The following RPTN variants were observed in gnomAD, a reference collection of about 807,000 sequenced individuals.
RPTN encodes repetin, also known as intermediate filament-associated protein.
In RPTN, 4 loss-of-function variants were observed where a neutral mutation model predicts 3.6. The observed-to-expected ratio is 1.12, with a 90% CI of 0.55 to 2.55. RPTN has a LOEUF of 2.55. Ranked by LOEUF, RPTN falls within the 30% of genes most tolerant of loss-of-function variation. The pLI, the probability that RPTN is intolerant of heterozygous loss-of-function variation, is 0.02. For synonymous variants in RPTN, 293 were observed against 319.3 expected (o/e 0.92, Z 0.88); for missense variants, 860 against 916.7 (o/e 0.94, Z 0.80).
Position 152,157,784 on chromosome 1 carries a change from G to C in RPTN, c.106C>G (p.Leu36Val), listed in dbSNP as rs1222830385. 1 of 1,614,020 alleles carries C rather than the reference G, an allele frequency of 6.2e-7. No homozygotes were observed. Among genetic ancestry groups the C allele is most frequent in the South Asian group, 1.1e-5 (1 of 91,070 alleles). ...ATGTCTCCAAACTCAGCCAAGAGCA[G>C]TTGTTTCAACTCTTCCTTGCATAGT... ...ALLCKEELKQ[L>V]LLAEFGDILQ... Residue 36 changes from leucine (L) to valine (V), a missense_variant, in exon 2 of 3, where the codon CTG becomes GTG. Leu to Val is a conservative substitution (Grantham distance 32). Transcript: ENST00000316073.
intron 1 of RPTN, 150 bp from the exon 2 acceptor site, chr1:152,158,059 C>A: frequency 1.6e-6 from 1 of 617,302 alleles, no homozygotes; most frequent in Non-Finnish European, 2.8e-6. Flanking sequence ...CCCTGACTCA[C>A]AGTCGGGGAC....
Position 152,157,894 on chromosome 1 carries a change from A to G in RPTN, c.-5T>C, listed in dbSNP as rs982248137. ...GCTATTCAGGAGTTGAGCCATTTTG[A>G]CAAGTACGGGTGAACCTAAAAGAAG... is the stretch of plus-strand genomic sequence containing the variant. On this transcript the variant is annotated 5_prime_UTR_variant, in exon 2 of 3. Transcript: ENST00000316073. 1.2e-6 allele frequency: 2 copies of G among 1,613,664 alleles called. No individual in the cohort carries two copies. Among genetic ancestry groups the G allele is most frequent in the Non-Finnish European group, 8.5e-7 (1 of 1,179,712 alleles).
chr1:152,154,654 C>CTGAGATCCT lies in RPTN; in HGVS notation c.*81_*89dup, dbSNP rs1374043635. On this transcript the variant is annotated 3_prime_UTR_variant, in exon 3 of 3. Transcript: ENST00000316073. ...TGTGGGTCACTTGGGATTTTTGATTCTGAGATCCTTGATACCTCTCTTTCT... is the reference window on the plus strand; with the variant it reads ...TGTGGGTCACTTGGGATTTTTGATTCTGAGATCCTTGAGATCCTTGATACCTCTCTTTCT... 23 of 1,520,726 alleles carry CTGAGATCCT rather than the reference C, an allele frequency of 1.5e-5. No homozygotes were observed. Among genetic ancestry groups the CTGAGATCCT allele is most frequent in the Non-Finnish European group, 1.9e-5 (21 of 1,128,482 alleles). 94.2% of individuals were successfully genotyped at this position (1,520,726 alleles called of 1,614,324 possible).
Position 152,153,847 on chromosome 1 carries a change from C to T in RPTN, c.*897G>A, listed in dbSNP as rs1043618688. ...AGTCCCTCTGGTGTGGAATAAGAGC[C>T]TGGCATGGGAGATGTAGTAAACATC... is the stretch of plus-strand genomic sequence containing the variant. On this transcript the variant is annotated 3_prime_UTR_variant, in exon 3 of 3. Coordinates refer to ENST00000316073, the MANE Select transcript of RPTN (RefSeq NM_001122965.1). 6.6e-6 allele frequency: 1 copy of T among 152,340 alleles called. No individual in the cohort carries two copies. 9.4% of individuals were successfully genotyped at this position (152,340 alleles called of 1,614,324 possible). A position where few individuals can be genotyped will look rare whatever the true frequency, so the allele number is the denominator to read the frequency against.
In RPTN at chr1:152,154,680, C is replaced by T. The variant is rs917409609; in HGVS notation, c.*64G>A. 1.1e-5 allele frequency: 17 copies of T among 1,573,978 alleles called. No individual in the cohort carries two copies. Among genetic ancestry groups the T allele is most frequent in the Middle Eastern group, 1.7e-4 (1 of 5,878 alleles). On this transcript the variant is annotated 3_prime_UTR_variant, in exon 3 of 3. Coordinates refer to ENST00000316073, the MANE Select transcript of RPTN (RefSeq NM_001122965.1). The stretch of plus-strand genomic sequence containing the variant: ...TGAGATCCTTGATACCTCTCTTTCT[C>T]CTCATAGTTTTGTCTATTATGTTGT...
At chr1:152,157,686 A>G (rs1659235038) in intron 2 of RPTN, 66 bp downstream of exon 2, 2 of 1,581,328 alleles carry the variant, frequency 1.3e-6, no homozygotes, top group Non-Finnish European at 1.7e-6. Context: ...AAAGCATCCA[A>G]CCCTGGTGCA....
At position 152,156,792 on chromosome 1, in the gene RPTN, T is replaced by G; in HGVS notation, c.307A>C (p.Arg103=). 1.2e-6 allele frequency: 2 copies of G among 1,614,190 alleles called. No homozygotes were observed. The highest frequency in any genetic ancestry group is 1.7e-6 in the Non-Finnish European group (2 of 1,180,020). Residue 103 remains arginine, a synonymous_variant, in exon 3 of 3, where the codon AGG becomes CGG. Transcript: ENST00000316073. ...SHGGRTSQQE[R]GQEGAQDCKF... The stretch of plus-strand genomic sequence containing the variant: ...CAGTCTTGTGCTCCTTCCTGCCCCC[T>G]TTCTTGCTGTGAGGTCCTGCCTCCA...
Position 152,155,700 on chromosome 1 carries a change from C to G in RPTN, c.1399G>C (p.Asp467His). The G allele has an allele frequency of 3.1e-6, 5 of 1,611,962 alleles. No individual in the cohort carries two copies. The highest frequency in any genetic ancestry group is 4.2e-6 in the Non-Finnish European group (5 of 1,179,166). ...QGQSSHYGQT[D>H]RQGQSSHYSQ... ...TAGTGGGAACTCTGGCCTTGTCTGT[C>G]TGTCTGACCATAGTGGGAACTCTGG... The change falls in exon 3 of 3, where the codon GAC becomes CAC. Residue 467 changes from aspartate (D) to histidine (H), a missense_variant. Physicochemically the swap from Asp to His is moderately conservative, Grantham distance 81. Transcript: ENST00000316073.
Position 152,154,161 on chromosome 1 carries a change from C to T in RPTN, c.*583G>A, listed in dbSNP as rs757752625. 2 of 155,726 alleles carry T rather than the reference C, an allele frequency of 1.3e-5. No individual in the cohort carries two copies. Among genetic ancestry groups the T allele is most frequent in the Non-Finnish European group, 2.9e-5 (2 of 70,174 alleles). 9.6% of individuals were successfully genotyped at this position (155,726 alleles called of 1,614,324 possible). ...GCAGGAAATGATTTAAATACCCAAA[C>T]TGATCAACATTAAGATATGATTATT... On this transcript the variant is annotated 3_prime_UTR_variant, in exon 3 of 3. Transcript: ENST00000316073.
At position 152,155,842 on chromosome 1, in the gene RPTN, G is replaced by T. The variant is rs1279810885; in HGVS notation, c.1257C>A (p.Asp419Glu). Residue 419 changes from aspartate (D) to glutamate (E), a missense_variant, in exon 3 of 3, where the codon GAC becomes GAA. Coordinates refer to ENST00000316073, the MANE Select transcript of RPTN (RefSeq NM_001122965.1). Reference protein sequence around the residue: ...QGQSSHYSQMDRQGQGSHYGQ... With the variant: ...QGQSSHYSQMERQGQGSHYGQ... Reference sequence around the variant, plus strand: ...CGTAGTGAGAACCCTGGCCTTGTCGGTCCATCTGACTGTAGTGGGAACTCT... The same window carrying T: ...CGTAGTGAGAACCCTGGCCTTGTCGTTCCATCTGACTGTAGTGGGAACTCT... 3.1e-6 allele frequency: 5 copies of T among 1,609,392 alleles called. No homozygotes were observed. The highest frequency in any genetic ancestry group is 1.7e-5 in the Admixed American group (1 of 59,134).
At position 152,154,091 on chromosome 1, in the gene RPTN, T is replaced by C. The variant is rs959223631; in HGVS notation, c.*653A>G. ...TTCTGAACTTTAGGGAGAAGTGTTC[T>C]ACCTTTCAATGATTCAACCAGGTCT... is the stretch of plus-strand genomic sequence containing the variant. On this transcript the variant is annotated 3_prime_UTR_variant, in exon 3 of 3. Coordinates refer to ENST00000316073, the MANE Select transcript of RPTN (RefSeq NM_001122965.1). 6 of 152,492 alleles carry C rather than the reference T, an allele frequency of 3.9e-5. No individual in the cohort carries two copies. Among genetic ancestry groups the C allele is most frequent in the Non-Finnish European group, 8.8e-5 (6 of 68,270 alleles). 9.4% of individuals were successfully genotyped at this position (152,492 alleles called of 1,614,324 possible).
chr1:152,156,888 A>G lies in RPTN; in HGVS notation c.211T>C (p.Phe71Leu). The G allele has an allele frequency of 9.3e-6, 15 of 1,614,184 alleles. No individual in the cohort carries two copies. The highest frequency in any genetic ancestry group is 1.3e-5 in the Non-Finnish European group (15 of 1,180,034). ...LDQDRDGHID[F>L]HEYLLLVFQL... ...AACACCAACAAGAGGTACTCATGAA[A>G]ATCAATATGTCCATCTCGGTCTTGA... Residue 71 changes from phenylalanine (F) to leucine (L), a missense_variant, in exon 3 of 3, where the codon TTT becomes CTT. Coordinates refer to ENST00000316073, the MANE Select transcript of RPTN (RefSeq NM_001122965.1).
At position 152,155,624 on chromosome 1, in the gene RPTN, C is replaced by T; in HGVS notation, c.1475G>A (p.Arg492Lys). 6.3e-7 allele frequency: 1 copy of T among 1,596,728 alleles called. No individual in the cohort carries two copies. The highest frequency in any genetic ancestry group is 1.1e-5 in the South Asian group (1 of 89,882). ...GQSSHYGKID[R>K]QDQSYHYGQP... is the part of the protein sequence containing the mutation. ...ACCATAATGATAACTCTGGTCTTGT[C>T]TGTCTATCTTACCATAGTGGGAACT... is the stretch of plus-strand genomic sequence containing the variant. The change falls in exon 3 of 3, where the codon AGA becomes AAA. Residue 492 changes from arginine to lysine, a missense_variant. Coordinates refer to ENST00000316073, the MANE Select transcript of RPTN (RefSeq NM_001122965.1).
chr1:152,155,663 T>A lies in RPTN; in HGVS notation c.1436A>T (p.Asp479Val). 6.2e-7 allele frequency: 1 copy of A among 1,603,362 alleles called. No individual in the cohort carries two copies. Among genetic ancestry groups the A allele is most frequent in the East Asian group, 2.2e-5 (1 of 44,866 alleles). ...ATAGTGGGAACTCTGGCCTTGTTTG[T>A]CTGGCTGACTGTAGTGGGAACTCTG... Reference protein sequence around the residue: ...QGQSSHYSQPDKQGQSSHYGK... With the variant: ...QGQSSHYSQPVKQGQSSHYGK... Residue 479 changes from aspartate to valine, a missense_variant, in exon 3 of 3, where the codon GAC (aspartate) becomes GTC (valine). Physicochemically the swap from Asp to Val is radical, Grantham distance 152. Coordinates refer to ENST00000316073, the MANE Select transcript of RPTN (RefSeq NM_001122965.1).
At chr1:152,157,597 G>GTA (rs1290994991) in intron 2 of RPTN, among the ~76,000 whole-genome samples, 155 bp downstream of exon 2, 23 of 150,200 alleles carry the variant, frequency 1.5e-4, no homozygotes, top group Non-Finnish European at 3.1e-4. Flanking sequence ...GTGTGTGTGT[G>GTA]TGTGTATGCT....
Position 152,156,319 on chromosome 1 carries a change from G to A in RPTN, c.780C>T (p.Asn260=), listed in dbSNP as rs1659204780. ...SETLGQASHF[N]QTNQQKSGSY... ...AGCCTGATTTCTGTTGATTTGTCTG[G>A]TTAAAGTGAGAGGCTTGTCCAAGTG... The change falls in exon 3 of 3, where the codon AAC becomes AAT. Residue 260 remains asparagine (N), a synonymous_variant. Coordinates refer to ENST00000316073, the MANE Select transcript of RPTN (RefSeq NM_001122965.1). The A allele has an allele frequency of 3.7e-6, 6 of 1,614,276 alleles. No individual in the cohort carries two copies. The highest frequency in any genetic ancestry group is 5.1e-6 in the Non-Finnish European group (6 of 1,180,044).
Position 152,156,201 on chromosome 1 carries a change from T to C in RPTN, c.898A>G (p.Arg300Gly), listed in dbSNP as rs376365077. ...CCATAATGATAACTCTGGTCTTGTCTGTCCGTCTGACCGTAGTGGGAACTC... is the reference window on the plus strand; with the variant it reads ...CCATAATGATAACTCTGGTCTTGTCCGTCCGTCTGACCGTAGTGGGAACTC... ...GQSSHYGQTDRQDQSYHYGQT... is the reference protein window; with the variant it reads ...GQSSHYGQTDGQDQSYHYGQT... The change falls in exon 3 of 3, where the codon AGA becomes GGA. Residue 300 changes from arginine to glycine, a missense_variant. Physicochemically the swap from Arg to Gly is moderately radical, Grantham distance 125. Coordinates refer to ENST00000316073, the MANE Select transcript of RPTN (RefSeq NM_001122965.1). The C allele has an allele frequency of 5.0e-6, 8 of 1,613,656 alleles. No homozygotes were observed. Among genetic ancestry groups the C allele is most frequent in the Non-Finnish European group, 4.2e-6 (5 of 1,179,942 alleles).
Position 152,154,655 on chromosome 1 carries a change from T to G in RPTN, c.*89A>C. On this transcript the variant is annotated 3_prime_UTR_variant, in exon 3 of 3. Coordinates refer to ENST00000316073, the MANE Select transcript of RPTN (RefSeq NM_001122965.1). ...GTGGGTCACTTGGGATTTTTGATTC[T>G]GAGATCCTTGATACCTCTCTTTCTC... 2.0e-6 allele frequency: 3 copies of G among 1,521,406 alleles called. No individual in the cohort carries two copies. The highest frequency in any genetic ancestry group is 2.7e-6 in the Non-Finnish European group (3 of 1,128,526). The allele number at this position is 1,521,406 out of a possible 1,614,324, so 94.2% of individuals were successfully genotyped here.
At position 152,155,977 on chromosome 1, in the gene RPTN, AC is replaced by A; in HGVS notation, c.1121del (p.Gly374ValfsTer117). On this transcript the variant is annotated frameshift_variant, in exon 3 of 3. Coordinates refer to ENST00000316073, the MANE Select transcript of RPTN (RefSeq NM_001122965.1). LOFTEE classifies it low-confidence loss of function (END_TRUNC). ...CTGGCTGACCATAGTGGGAACTCTG[AC>A]CTTGTCTGTTTGGTTGACTGTAGTG... ...GSHYSQPNRQGQSSHYGQPDT... is the reference protein window; with the variant it reads ...GSHYSQPNRQXQSSHYGQPDT... 1 of 1,595,506 alleles carries A rather than the reference AC, an allele frequency of 6.3e-7. No individual in the cohort carries two copies. The highest frequency in any genetic ancestry group is 8.5e-7 in the Non-Finnish European group (1 of 1,173,426).
Sources: gnomAD v4.1 joint callset for allele counts (sites outside exome capture counted in the v4.1 genomes callset) on GRCh38, gnomAD v4.1.1 for gene constraint, MANE v1.5 for transcripts, NCBI Gene and HGNC (gene_info 2026-07-23, HGNC 2026-07-21) for gene names.